Variants in ELAPOR2 observed in about 807,000 individuals in gnomAD.
ELAPOR2 encodes endosome-lysosome associated apoptosis and autophagy regulator family member 2, also known as endosome/lysosome-associated apoptosis and autophagy regulator family member 2.
A neutral mutation model predicts 120.7 loss-of-function variants in ELAPOR2; 89 were observed. That is an observed-to-expected ratio of 0.74 (90% CI 0.62 to 0.88). The LOEUF (loss-of-function observed/expected upper bound fraction) is 0.88. Ranked by LOEUF, ELAPOR2 falls within the 40% of genes least tolerant of loss-of-function variation. ELAPOR2 has a pLI of 0.00. For synonymous variants in ELAPOR2, 444 were observed against 444.9 expected (o/e 1.00, Z 0.03); for missense variants, 1,134 against 1,251.6 (o/e 0.91, Z 1.42).
At chr7:86,887,029 T>C (rs1799724289) in intron 21 of ELAPOR2, among the ~76,000 whole-genome samples, 1 of 152,150 alleles carries the variant, frequency 6.6e-6, no homozygotes, top group African/African-American at 2.4e-5. Context: ...TTCATTATAT[T>C]TTTCTGACTT....
intron 1 of ELAPOR2, among the ~76,000 whole-genome samples, chr7:86,980,757 G>A (rs1359784882): frequency 9.9e-5 from 15 of 151,920 alleles, no homozygotes; most frequent in Admixed American, 6.6e-4. Context: ...CTCCTTAAAC[G>A]TGTTCCTTTC....
chr7:87,008,414 T>C (rs1237337138), intron 1 of ELAPOR2, among the ~76,000 whole-genome samples: 1 of 152,188 alleles, frequency 6.6e-6, no homozygotes, highest in Non-Finnish European at 1.5e-5. Flanking sequence ...AAAATAGTTA[T>C]AAAGGTCATC....
At chr7:86,977,123 G>C (rs550744120) in intron 1 of ELAPOR2, among the ~76,000 whole-genome samples, 1 of 152,150 alleles carries the variant, frequency 6.6e-6, no homozygotes, top group South Asian at 2.1e-4. Context: ...GATGATAGCT[G>C]CCACTCATTA....
chr7:87,051,625 G>A (rs1263375762), intron 1 of ELAPOR2, among the ~76,000 whole-genome samples: 2 of 152,302 alleles, frequency 1.3e-5, no homozygotes, highest in African/African-American at 2.4e-5. Flanking sequence ...TTAATTTGTT[G>A]AAGGTCACAT....
chr7:86,917,789 C>T (rs1290941672), intron 12 of ELAPOR2, among the ~76,000 whole-genome samples: 1 of 151,052 alleles, frequency 6.6e-6, no homozygotes, highest in Non-Finnish European at 1.5e-5. Flanking sequence ...TGTTAACTGG[C>T]TACTAAAAGG....
intron 2 of ELAPOR2, among the ~76,000 whole-genome samples, chr7:86,948,930 G>A (rs1258156675): frequency 1.3e-5 from 2 of 152,146 alleles, no homozygotes; most frequent in East Asian, 1.9e-4. Flanking sequence ...TCTCCCAGCA[G>A]AGTGTAAAGC....
intron 1 of ELAPOR2, among the ~76,000 whole-genome samples, chr7:86,991,704 T>C (rs552459485): frequency 6.6e-6 from 1 of 152,354 alleles, no homozygotes; most frequent in South Asian, 2.1e-4. Flanking sequence ...CATGAAGTCA[T>C]GAGGCTCCTT....
At chr7:86,884,573 G>T (rs1314251234) in intron 21 of ELAPOR2, among the ~76,000 whole-genome samples, 8 of 152,064 alleles carry the variant, frequency 5.3e-5, no homozygotes, top group Non-Finnish European at 1.0e-4. Flanking sequence ...CTTGAATTTT[G>T]GTATACTCAG....
intron 1 of ELAPOR2, among the ~76,000 whole-genome samples, chr7:86,993,573 T>G (rs763935019): frequency 6.6e-6 from 1 of 152,246 alleles, no homozygotes; most frequent in Non-Finnish European, 1.5e-5. Context: ...TACCTACTGA[T>G]GCTGATAAAT....
At chr7:86,919,525 G>A (rs1789726601) in intron 10 of ELAPOR2, among the ~76,000 whole-genome samples, 1 of 152,100 alleles carries the variant, frequency 6.6e-6, no homozygotes, top group African/African-American at 2.4e-5. Context: ...TTGAATAAAA[G>A]ATACTTAATG....
intron 21 of ELAPOR2, among the ~76,000 whole-genome samples, chr7:86,881,167 AAGG>A (rs1334415506): frequency 1.3e-5 from 2 of 152,094 alleles, no homozygotes; most frequent in Non-Finnish European, 2.9e-5. Flanking sequence ...TTAATGAGGA[AAGG>A]AGAAAGAGGA....
At chr7:86,923,711 T>C (rs1014478878) in intron 10 of ELAPOR2, among the ~76,000 whole-genome samples, 3 of 152,102 alleles carry the variant, frequency 2.0e-5, no homozygotes, top group Admixed American at 6.6e-5. Context: ...CACATAATGA[T>C]TGCATAATAT....
At chr7:87,052,123 T>A (rs1795119335) in intron 1 of ELAPOR2, among the ~76,000 whole-genome samples, 1 of 152,242 alleles carries the variant, frequency 6.6e-6, no homozygotes, top group Non-Finnish European at 1.5e-5. Flanking sequence ...AATGGGTCCC[T>A]GGATTTCAGG....
chr7:86,998,482 T>C (rs767434), intron 1 of ELAPOR2, among the ~76,000 whole-genome samples: 57,514 of 152,010 alleles, frequency 0.38, 11,732 homozygotes, highest in African/African-American at 0.53. Flanking sequence ...GCTTCCTAAC[T>C]TCTGCATCTA....
chr7:87,051,202 C>A (rs1381788319), intron 1 of ELAPOR2, among the ~76,000 whole-genome samples: 1 of 152,078 alleles, frequency 6.6e-6, no homozygotes, highest in African/African-American at 2.4e-5. Context: ...TGGAACATGG[C>A]AATGTCAAGA....
chr7:86,894,114 T>C (rs1788326626), intron 19 of ELAPOR2, among the ~76,000 whole-genome samples: 3 of 152,096 alleles, frequency 2.0e-5, no homozygotes, highest in Non-Finnish European at 1.5e-5. Context: ...AGTCATGAAG[T>C]GAAAGGGACA....
intron 2 of ELAPOR2, among the ~76,000 whole-genome samples, chr7:86,948,969 T>G (rs1791120680): frequency 1.3e-5 from 2 of 152,168 alleles, no homozygotes; most frequent in Admixed American, 6.5e-5. Context: ...GGTAGATTCT[T>G]CTCTTTTAGA....
chr7:86,930,867 T>C (rs776479240), intron 8 of ELAPOR2, among the ~76,000 whole-genome samples: 15 of 151,954 alleles, frequency 9.9e-5, no homozygotes, highest in Non-Finnish European at 1.6e-4. Context: ...CTTCAAATAC[T>C]TGAAATACCC....
chr7:87,043,674 T>C (rs2129016186), intron 1 of ELAPOR2, among the ~76,000 whole-genome samples: 1 of 149,074 alleles, frequency 6.7e-6, no homozygotes, highest in East Asian at 2.0e-4. Context: ...GGGCAAAAAC[T>C]GGAAGCATTC....
Sources: gnomAD v4.1 joint callset for allele counts (sites outside exome capture counted in the v4.1 genomes callset) on GRCh38, gnomAD v4.1.1 for gene constraint, MANE v1.5 for transcripts, NCBI Gene and HGNC (gene_info 2026-07-23, HGNC 2026-07-21) for gene names.